The following SLC35F6 variants were observed in gnomAD, a reference collection of about 807,000 sequenced individuals.
The protein encoded by SLC35F6 is solute carrier family 35 member F6.
Under a neutral mutation model 29.4 loss-of-function variants are expected in SLC35F6, and 26 were observed. The observed-to-expected ratio is 0.89, with a 90% CI of 0.65 to 1.23. The LOEUF (loss-of-function observed/expected upper bound fraction) is 1.23, where lower values mean the gene tolerates loss of function less well. SLC35F6 is among the 50% of genes most tolerant of loss of function. The probability of loss-of-function intolerance (pLI) is 0.00; values close to 1 mark genes in which losing one functional copy is unlikely to be tolerated. For synonymous variants in SLC35F6, 174 were observed against 206.6 expected (o/e 0.84, Z 1.35); for missense variants, 428 against 487.8 (o/e 0.88, Z 1.15).
Position 26,778,478 on chromosome 2 carries a change from T to A in SLC35F6, c.1083T>A (p.Gly361=). Reference sequence around the variant, plus strand: ...AGAGCGAGCAGGAGAGACTGCTGGGTGGCACCCGCACTCCCATCAATGATG... The same window carrying A: ...AGAGCGAGCAGGAGAGACTGCTGGGAGGCACCCGCACTCCCATCAATGATG... ...AEESEQERLL[G]GTRTPINDAS is the part of the protein sequence containing the mutation. Residue 361 remains glycine, a synonymous_variant, in exon 6 of 6, where the codon GGT becomes GGA. Coordinates refer to ENST00000344420, the MANE Select transcript of SLC35F6 (RefSeq NM_017877.4). 4 of 1,611,558 alleles carry A rather than the reference T, an allele frequency of 2.5e-6. No individual in the cohort carries two copies. The highest frequency in any genetic ancestry group is 3.4e-6 in the Non-Finnish European group (4 of 1,179,074).
chr2:26,775,192 CAG>C lies in SLC35F6; in HGVS notation c.300_301del (p.Gly101AspfsTer61). 6.2e-7 allele frequency: 1 copy of C among 1,613,926 alleles called. No individual in the cohort carries two copies. The highest frequency in any genetic ancestry group is 8.5e-7 in the Non-Finnish European group (1 of 1,179,946). ...CTGCCCCCAGCGCTCTGTGACATGA[CAG>C]GGACCAGCCTCATGTATGTGGGTGA... On this transcript the variant is annotated frameshift_variant, in exon 3 of 6. Coordinates refer to ENST00000344420, the MANE Select transcript of SLC35F6 (RefSeq NM_017877.4). LOFTEE classifies it high-confidence loss of function. This position sits in a 1 kb window ranked among gnomAD's most constrained non-coding sequence, Gnocchi z 4.6.
intron 1 of SLC35F6, among the ~76,000 whole-genome samples, chr2:26,772,905 G>T (rs918239244): frequency 1.3e-5 from 2 of 152,190 alleles, no homozygotes; most frequent in African/African-American, 4.8e-5. Context: ...CTGGGCTTGT[G>T]TCTAGGCTCA....
intron 1 of SLC35F6, among the ~76,000 whole-genome samples, chr2:26,768,636 C>A (rs1664137358): frequency 6.7e-6 from 1 of 149,722 alleles, no homozygotes; most frequent in African/African-American, 2.5e-5. Flanking sequence ...GGATTACAGG[C>A]ATGAGCCACT....
chr2:26,764,551 C>T, intron 1 of SLC35F6, 125 bp downstream of exon 1: 1 of 1,250,412 alleles, frequency 8.0e-7, no homozygotes, highest in Non-Finnish European at 1.1e-6. Context: ...TCAGTTCGCG[C>T]GCGTTATGAC....
At position 26,778,637 on chromosome 2, in the gene SLC35F6, C is replaced by T. The variant is rs1052717850; in HGVS notation, c.*126C>T. The T allele has an allele frequency of 4.3e-5, 39 of 898,498 alleles. No homozygotes were observed. The Admixed American group carries it at 7.9e-4, about 18-fold the overall frequency. 55.7% of individuals were successfully genotyped at this position (898,498 alleles called of 1,614,324 possible). On this transcript the variant is annotated 3_prime_UTR_variant, in exon 6 of 6. Transcript: ENST00000344420. ...CCCTGTCCCCTCCCTGCAGAACCCC[C>T]AGGGCAGCTGCTGCCACAGAAGATA...
intron 1 of SLC35F6, among the ~76,000 whole-genome samples, chr2:26,771,663 G>A (rs1664198119): frequency 1.3e-5 from 2 of 152,332 alleles, no homozygotes; most frequent in South Asian, 4.1e-4. Flanking sequence ...AGAGCCAACA[G>A]CATATCAGGC....
intron 1 of SLC35F6, among the ~76,000 whole-genome samples, chr2:26,772,643 A>C (rs1468013756): frequency 1.3e-5 from 2 of 152,188 alleles, no homozygotes; most frequent in Non-Finnish European, 2.9e-5. Flanking sequence ...GTACTTCCAG[A>C]AGTCAGTGGC....
In SLC35F6 at chr2:26,778,440, C is replaced by A. The variant is rs1452594735; in HGVS notation, c.1045C>A (p.Pro349Thr). The change falls in exon 6 of 6, where the codon CCC becomes ACC. Residue 349 changes from proline to threonine, a missense_variant. Coordinates refer to ENST00000344420, the MANE Select transcript of SLC35F6 (RefSeq NM_017877.4). The stretch of plus-strand genomic sequence containing the variant: ...GCTGGGCCGCCTGTCCAGGGGCCGG[C>A]CCCTGGCAGAGGAGAGCGAGCAGGA... ...PLLGRLSRGRPLAEESEQERL... is the reference protein window; with the variant it reads ...PLLGRLSRGRTLAEESEQERL... 6.2e-7 allele frequency: 1 copy of A among 1,613,870 alleles called. No individual in the cohort carries two copies. The highest frequency in any genetic ancestry group is 1.7e-5 in the Admixed American group (1 of 59,984).
chr2:26,773,556 T>C (rs544000243), intron 1 of SLC35F6, among the ~76,000 whole-genome samples: 4 of 145,032 alleles, frequency 2.8e-5, no homozygotes, highest in Non-Finnish European at 4.5e-5. Context: ...TAAATTGAAA[T>C]ACAGTTATCA....
intron 1 of SLC35F6, 64 bp downstream of exon 1, chr2:26,764,490 C>G (rs778523131): frequency 5.2e-6 from 8 of 1,528,868 alleles, no homozygotes; most frequent in South Asian, 1.2e-5. Flanking sequence ...TACGCCTTCC[C>G]CCTTCTTGGC....
chr2:26,776,496 C>T lies in SLC35F6; in HGVS notation c.646+14C>T, dbSNP rs1553306607. ...TTGGCACTGAGGGTGTGTGTGGGCA[C>T]AGGGGCCTGGAAGGAGTGGGGTAGA... On this transcript the variant is annotated intron_variant, in intron 5 of 5. Transcript: ENST00000344420. 1.2e-6 allele frequency: 2 copies of T among 1,612,192 alleles called. No individual in the cohort carries two copies. Among genetic ancestry groups the T allele is most frequent in the South Asian group, 1.1e-5 (1 of 91,026 alleles).
rs760185943 is a variant in SLC35F6, at chr2:26,776,502, C to T, written c.646+20C>T. 3 of 1,609,702 alleles carry T rather than the reference C, an allele frequency of 1.9e-6. No homozygotes were observed. In the East Asian group the frequency reaches 6.7e-5, roughly 36 times the overall value. ...CTGAGGGTGTGTGTGGGCACAGGGG[C>T]CTGGAAGGAGTGGGGTAGAAGGGAG... On this transcript the variant is annotated intron_variant, in intron 5 of 5. Transcript: ENST00000344420.
chr2:26,774,136 A>G (rs1264883691), intron 1 of SLC35F6, 115 bp from the exon 2 acceptor site: 1 of 1,218,540 alleles, frequency 8.2e-7, no homozygotes, highest in African/African-American at 1.5e-5. Flanking sequence ...AGGGAGCCCC[A>G]CTCTGGGGCC....
chr2:26,767,893 G>A (rs2148054755), intron 1 of SLC35F6, among the ~76,000 whole-genome samples: 1 of 152,260 alleles, frequency 6.6e-6, no homozygotes, highest in Admixed American at 6.5e-5. Flanking sequence ...TCAAGTAGAT[G>A]CTCACTAAGT....
intron 1 of SLC35F6, among the ~76,000 whole-genome samples, chr2:26,765,456 A>G (rs1051422197): frequency 4.6e-5 from 7 of 152,166 alleles, no homozygotes; most frequent in Admixed American, 2.0e-4. Context: ...CTCTGTCTCC[A>G]TCTCAGGGCA....
At chr2:26,766,089 C>G (rs1391037649) in intron 1 of SLC35F6, among the ~76,000 whole-genome samples, 1 of 152,190 alleles carries the variant, frequency 6.6e-6, no homozygotes, top group African/African-American at 2.4e-5. Context: ...GCCTGAGAGT[C>G]AGGAAAGAGG....
chr2:26,771,265 A>G (rs137929007), intron 1 of SLC35F6, among the ~76,000 whole-genome samples: 52 of 152,356 alleles, frequency 3.4e-4, no homozygotes, highest in African/African-American at 1.3e-3. Context: ...TCAGGTGGGA[A>G]GTAGGACTCA....
At chr2:26,777,536 G>GCAAGA (rs1156898425) in intron 5 of SLC35F6, among the ~76,000 whole-genome samples, 3 of 152,176 alleles carry the variant, frequency 2.0e-5, no homozygotes, top group African/African-American at 7.2e-5. Context: ...CTGTTTTCTA[G>GCAAGA]CAAGACCTTA....
rs754025096 is a variant in SLC35F6 at position 26,774,272 on chromosome 2, C to T, written c.99C>T (p.Ala33=). 20 of 1,614,094 alleles carry T rather than the reference C, an allele frequency of 1.2e-5. No individual in the cohort carries two copies. In the Admixed American group the frequency reaches 2.0e-4, roughly 16 times the overall value. ...LSAKWADNFM[A]EGCGGSKEHS... is the part of the protein sequence containing the mutation. ...ACAGATGGGCGGACAATTTCATGGCCGAGGGCTGTGGAGGGAGCAAGGAGC... is the reference window on the plus strand; with the variant it reads ...ACAGATGGGCGGACAATTTCATGGCTGAGGGCTGTGGAGGGAGCAAGGAGC... The change falls in exon 2 of 6, where the codon GCC becomes GCT. Residue 33 remains alanine (A), a synonymous_variant. Transcript: ENST00000344420.
Sources: gnomAD v4.1 joint callset for allele counts (sites outside exome capture counted in the v4.1 genomes callset) on GRCh38, gnomAD v4.1.1 for gene constraint, Gnocchi (gnomAD v3.1) non-coding constraint, MANE v1.5 for transcripts, NCBI Gene and HGNC (gene_info 2026-07-23, HGNC 2026-07-21) for gene names.